FOCAD: variants seen among roughly 807,000 people sequenced by gnomAD.
FOCAD encodes focadhesin.
A neutral mutation model predicts 225.6 loss-of-function variants in FOCAD; 198 were observed. The ratio of observed to expected loss-of-function variants is 0.88; its 90% CI spans 0.78 to 0.99. FOCAD has a LOEUF of 0.99. Among genes scored for constraint, FOCAD ranks in the 50% least tolerant of loss-of-function variants. The probability of loss-of-function intolerance (pLI) is 0.00; values close to 1 mark genes in which losing one functional copy is unlikely to be tolerated. For synonymous variants in FOCAD, 897 were observed against 755.0 expected, an observed-to-expected ratio of 1.19 and a Z score of -3.08; for missense variants, 2,713 against 2,123.6, an observed-to-expected ratio of 1.28 and a Z score of -5.46.
intron 42 of FOCAD, among the ~76,000 whole-genome samples, chr9:20,990,649 C>A (rs1587803568): frequency 6.6e-6 from 1 of 152,190 alleles, no homozygotes; most frequent in South Asian, 2.1e-4. Flanking sequence ...CACTTGTTTT[C>A]TTGATCCTGG....
chr9:20,662,029 G>A (rs916986818), intron 2 of FOCAD, among the ~76,000 whole-genome samples: 1 of 152,178 alleles, frequency 6.6e-6, no homozygotes, highest in African/African-American at 2.4e-5. Flanking sequence ...ATGAAAAATG[G>A]GGAATTATGA....
chr9:20,857,780 T>A (rs1381871136), intron 15 of FOCAD, among the ~76,000 whole-genome samples: 2 of 76,844 alleles, frequency 2.6e-5, no homozygotes, highest in Non-Finnish European at 6.2e-5. Context: ...TTTTTTTTTT[T>A]TTGAGTTTTT....
In FOCAD at chr9:20,729,070, C is replaced by A. The variant is rs574282845; in HGVS notation, c.287+8536C>A. Among the ~76,000 whole-genome samples the A allele has an allele frequency of 6.6e-5, 10 of 152,282 alleles. No individual in the cohort carries two copies. In the South Asian group the frequency reaches 2.1e-3, roughly 32 times the overall value. On this transcript the variant is annotated intron_variant, in intron 4 of 43. Transcript: ENST00000338382. ...AATTACAGATTTCCAATGGTGGGAC[C>A]TGGAGCTGGATCAGTCAGCTCTGCC...
intron 11 of FOCAD, among the ~76,000 whole-genome samples, chr9:20,796,625 G>A (rs547065714): frequency 8.4e-4 from 128 of 152,166 alleles, no homozygotes; most frequent in Non-Finnish European, 1.7e-3. Context: ...TTTGAGAAGT[G>A]TCTGTTCATA....
At chr9:20,930,260 T>C (rs945028943) in intron 27 of FOCAD, among the ~76,000 whole-genome samples, 5 of 152,226 alleles carry the variant, frequency 3.3e-5, no homozygotes, top group Admixed American at 3.3e-4. Flanking sequence ...GGAAAGGTTT[T>C]TTTAGTGCAT....
chr9:20,814,410 T>C (rs1487776693), intron 11 of FOCAD, among the ~76,000 whole-genome samples: 6 of 151,694 alleles, frequency 4.0e-5, no homozygotes, highest in South Asian at 2.1e-4. Context: ...GGCTGGAGTA[T>C]AGTGGCACGA....
intron 17 of FOCAD, among the ~76,000 whole-genome samples, chr9:20,866,388 G>A (rs1829244375): frequency 6.6e-6 from 1 of 151,958 alleles, no homozygotes; most frequent in South Asian, 2.1e-4. Flanking sequence ...CCTAACTCAT[G>A]GATGAATGAG....
At chr9:20,988,490 G>GGGA in intron 41 of FOCAD, 61 bp downstream of exon 41, 1 of 691,522 alleles carries the variant, frequency 1.4e-6, no homozygotes, top group Non-Finnish European at 2.1e-6. Context: ...TTAGGTTGGT[G>GGGA]CAAAAGTAAT....
At chr9:20,910,278 G>A (rs545852167) in intron 22 of FOCAD, among the ~76,000 whole-genome samples, 2 of 151,822 alleles carry the variant, frequency 1.3e-5, no homozygotes, top group South Asian at 4.2e-4. Flanking sequence ...ATGCTGTGGA[G>A]GTTAAGGTCT....
intron 1 of FOCAD, among the ~76,000 whole-genome samples, chr9:20,698,379 C>T (rs1158229079): frequency 6.6e-6 from 1 of 151,406 alleles, no homozygotes; most frequent in East Asian, 1.9e-4. Flanking sequence ...CACACACACG[C>T]ACACACACAC....
At chr9:20,673,710 C>G (rs906670381) in intron 2 of FOCAD, among the ~76,000 whole-genome samples, 1 of 152,062 alleles carries the variant, frequency 6.6e-6, no homozygotes, top group African/African-American at 2.4e-5. Context: ...TCAAGCAGTC[C>G]TCCCACCTCA....
At chr9:20,864,534 C>G (rs1829061619) in intron 16 of FOCAD, among the ~76,000 whole-genome samples, 1 of 151,934 alleles carries the variant, frequency 6.6e-6, no homozygotes, top group South Asian at 2.1e-4. Context: ...TAACTCATCC[C>G]ATCCTTTGAG....
chr9:20,923,587 T>A, intron 24 of FOCAD, 73 bp from the exon 25 acceptor site: 3 of 1,141,696 alleles, frequency 2.6e-6, no homozygotes, highest in Non-Finnish European at 3.9e-6. Context: ...TCACCTGCCC[T>A]CCTATATTAG....
At chr9:20,920,455 A>G (rs1834302620) in intron 24 of FOCAD, among the ~76,000 whole-genome samples, 1 of 126,156 alleles carries the variant, frequency 7.9e-6, no homozygotes, top group African/African-American at 3.1e-5. Context: ...CAGCCATCCC[A>G]TTACTGGGTA....
At chr9:20,974,718 T>C (rs990489306) in intron 35 of FOCAD, among the ~76,000 whole-genome samples, 9 of 148,616 alleles carry the variant, frequency 6.1e-5, no homozygotes, top group African/African-American at 2.3e-4. Flanking sequence ...TTTTCCTATG[T>C]TTCTCCTTTC....
At chr9:20,837,580 G>A (rs1222100536) in intron 15 of FOCAD, among the ~76,000 whole-genome samples, 1 of 152,010 alleles carries the variant, frequency 6.6e-6, no homozygotes, top group Non-Finnish European at 1.5e-5. Context: ...AATGGGGACA[G>A]GGAGTGTAGA....
At chr9:20,845,011 G>A (rs1005017462) in intron 15 of FOCAD, among the ~76,000 whole-genome samples, 4 of 151,764 alleles carry the variant, frequency 2.6e-5, no homozygotes, top group African/African-American at 9.7e-5. Context: ...ATCCCTTTCC[G>A]ATTTCTTTCG....
At chr9:20,952,941 C>G (rs1362858874) in intron 34 of FOCAD, 44 bp from the exon 35 acceptor site, 1 of 1,488,908 alleles carries the variant, frequency 6.7e-7, no homozygotes, top group Non-Finnish European at 9.4e-7. Flanking sequence ...TTCATTAGTC[C>G]TGCCAAGTTC....
At chr9:20,939,756 T>C (rs1474230735) in intron 28 of FOCAD, among the ~76,000 whole-genome samples, 2 of 151,782 alleles carry the variant, frequency 1.3e-5, no homozygotes, top group Middle Eastern at 3.4e-3. Flanking sequence ...TTTTTCTTTC[T>C]TTTTTTTAAA....
Sources: gnomAD v4.1 joint callset for allele counts (sites outside exome capture counted in the v4.1 genomes callset) on GRCh38, gnomAD v4.1.1 for gene constraint, MANE v1.5 for transcripts, NCBI Gene and HGNC (gene_info 2026-07-23, HGNC 2026-07-21) for gene names.